ADGRB3: variants seen among roughly 807,000 people sequenced by gnomAD.
The protein encoded by ADGRB3 is adhesion G protein-coupled receptor B3, also known as brain-specific angiogenesis inhibitor 3.
In ADGRB3, 37 loss-of-function variants were observed where a neutral mutation model predicts 193.4. The ratio of observed to expected loss-of-function variants is 0.19; its 90% CI spans 0.15 to 0.25. The LOEUF (loss-of-function observed/expected upper bound fraction) is 0.25, where lower values mean the gene tolerates loss of function less well. Ranked by LOEUF, ADGRB3 falls within the 10% of genes least tolerant of loss-of-function variation. The pLI, the probability that ADGRB3 is intolerant of heterozygous loss-of-function variation, is 1.00. For synonymous variants in ADGRB3, 690 were observed against 644.2 expected (o/e 1.07, Z -1.08); for missense variants, 1,637 against 1,852.9 (o/e 0.88, Z 2.14).
At chr6:69,203,053 AC>A (rs766746944) in intron 17 of ADGRB3, among the ~76,000 whole-genome samples, 1 of 152,146 alleles carries the variant, frequency 6.6e-6, no homozygotes, top group Non-Finnish European at 1.5e-5. Flanking sequence ...TGGTAACATA[AC>A]ATAGTGATCA....
At chr6:68,913,671 C>T (rs528554122) in intron 3 of ADGRB3, among the ~76,000 whole-genome samples, 3 of 152,296 alleles carry the variant, frequency 2.0e-5, no homozygotes, top group East Asian at 1.9e-4. Flanking sequence ...TCCTCACCAG[C>T]AACGGAACAA....
intron 17 of ADGRB3, among the ~76,000 whole-genome samples, chr6:69,204,022 C>T (rs1193067084): frequency 6.6e-6 from 1 of 151,910 alleles, no homozygotes; most frequent in African/African-American, 2.4e-5. Context: ...TTAACAATCC[C>T]AAAGCTGTGC....
chr6:68,766,942 A>G lies in ADGRB3; in HGVS notation c.757+127510A>G, dbSNP rs1025309782. Among the ~76,000 whole-genome samples the G allele has an allele frequency of 2.6e-5, 4 of 152,116 alleles. No individual in the cohort carries two copies. The East Asian group carries it at 7.7e-4, about 29-fold the overall frequency. ...ACTGGTTTTTCATCCATGGTTCTCA[A>G]AAAAAATTGTTATTACACTCTTTTT... On this transcript the variant is annotated intron_variant, in intron 3 of 31. Coordinates refer to ENST00000370598, the MANE Select transcript of ADGRB3 (RefSeq NM_001704.3).
intron 3 of ADGRB3, among the ~76,000 whole-genome samples, chr6:68,785,303 C>T (rs1766942276): frequency 1.8e-5 from 2 of 109,686 alleles, no homozygotes; most frequent in South Asian, 8.0e-4. Flanking sequence ...CTATCCCTCC[C>T]CCCTCCCCCC....
chr6:68,912,347 ATTATT>A lies in ADGRB3; in HGVS notation c.758-18186_758-18182del, dbSNP rs531118417. Reference sequence around the variant, plus strand: ...TAATGTATATTCATCTTCTTTTTTTATTATTTTATTTTATTTTATTTTATTTTATT... The same window carrying A: ...TAATGTATATTCATCTTCTTTTTTTATTATTTTATTTTATTTTATTTTATT... On this transcript the variant is annotated intron_variant, in intron 3 of 31. Transcript: ENST00000370598. 5.0e-3 allele frequency among the ~76,000 whole-genome samples: 749 copies of A among 150,394 alleles called. 4 individuals carry two copies. Among genetic ancestry groups the A allele is most frequent in the African/African-American group, 0.013 (536 of 40,920 alleles).
intron 23 of ADGRB3, chr6:69,332,528 CTCATACTCTAAGAT>C: frequency 3.0e-6 from 3 of 985,368 alleles, no homozygotes; most frequent in Non-Finnish European, 3.6e-6. Flanking sequence ...TCACCCTAAC[CTCATACTCTAAGAT>C]TCAGAATCTC....
At chr6:69,310,337 A>G (rs181004399) in intron 20 of ADGRB3, among the ~76,000 whole-genome samples, 3 of 151,844 alleles carry the variant, frequency 2.0e-5, no homozygotes, top group African/African-American at 7.2e-5. Context: ...AGCTGTCACC[A>G]TTTCTAAACA....
chr6:68,665,962 G>T (rs1028140969), intron 3 of ADGRB3, among the ~76,000 whole-genome samples: 1 of 151,700 alleles, frequency 6.6e-6, no homozygotes, highest in African/African-American at 2.4e-5. Context: ...AACATCAAAT[G>T]ATAAATAAAC....
chr6:69,361,160 T>C lies in ADGRB3; in HGVS notation c.3887T>C (p.Ile1296Thr), dbSNP rs1489688044. Residue 1296 changes from isoleucine (I) to threonine (T), a missense_variant, in exon 29 of 32, where the codon ATA becomes ACA. Ile to Thr is a moderately conservative substitution (Grantham distance 89). Coordinates refer to ENST00000370598, the MANE Select transcript of ADGRB3 (RefSeq NM_001704.3). ...AATTTGAGAGGGGCTGACATGGACATAGTCCATCCTCAAGAAAGAATGATG... is the reference window on the plus strand; with the variant it reads ...AATTTGAGAGGGGCTGACATGGACACAGTCCATCCTCAAGAAAGAATGATG... ...DDNLRGADMD[I>T]VHPQERMMES... The C allele has an allele frequency of 1.9e-6, 3 of 1,612,582 alleles. No homozygotes were observed. Among genetic ancestry groups the C allele is most frequent in the Non-Finnish European group, 2.5e-6 (3 of 1,179,206 alleles).
intron 26 of ADGRB3, among the ~76,000 whole-genome samples, chr6:69,345,645 A>G (rs561363148): frequency 6.6e-6 from 1 of 152,284 alleles, no homozygotes; most frequent in East Asian, 1.9e-4. Flanking sequence ...CACAGCCAAT[A>G]TCATACTGAA....
At chr6:69,309,558 T>A (rs920674544) in intron 20 of ADGRB3, among the ~76,000 whole-genome samples, 2 of 151,704 alleles carry the variant, frequency 1.3e-5, no homozygotes, top group Non-Finnish European at 3.0e-5. Flanking sequence ...CTGAATTGAA[T>A]AAGATAGATA....
rs1011859209 is a variant in ADGRB3 at position 68,796,650 on chromosome 6, C to G, written c.758-133909C>G. 2.0e-5 allele frequency among the ~76,000 whole-genome samples: 3 copies of G among 152,140 alleles called. No individual in the cohort carries two copies. In the South Asian group the frequency reaches 6.2e-4, roughly 32 times the overall value. The stretch of plus-strand genomic sequence containing the variant: ...CTTGGTGACAGTGCTAAAATTATGA[C>G]CCAAGTTCCGAAATCTGTGCAATGC... On this transcript the variant is annotated intron_variant, in intron 3 of 31. Coordinates refer to ENST00000370598, the MANE Select transcript of ADGRB3 (RefSeq NM_001704.3).
intron 3 of ADGRB3, among the ~76,000 whole-genome samples, chr6:68,677,206 A>G (rs1421949981): frequency 4.6e-5 from 7 of 152,224 alleles, no homozygotes; most frequent in African/African-American, 1.4e-4. Context: ...TACTGTGTGT[A>G]TTATGTAAAA....
At chr6:69,339,084 A>G in intron 25 of ADGRB3, 70 bp downstream of exon 25, 1 of 1,505,866 alleles carries the variant, frequency 6.6e-7, no homozygotes, top group Non-Finnish European at 9.2e-7. Flanking sequence ...TGCTATGATG[A>G]AAAAAAATTG....
intron 29 of ADGRB3, among the ~76,000 whole-genome samples, chr6:69,367,729 A>C (rs1440233594): frequency 6.6e-6 from 1 of 151,998 alleles, no homozygotes; most frequent in African/African-American, 2.4e-5. Flanking sequence ...ACAATAGCAA[A>C]GACTTGGAAC....
At chr6:69,073,481 A>G (rs1037561346) in intron 16 of ADGRB3, among the ~76,000 whole-genome samples, 5 of 152,180 alleles carry the variant, frequency 3.3e-5, no homozygotes, top group South Asian at 4.1e-4. Context: ...AGAAAAAAAA[A>G]TGGAATTTAC....
At chr6:68,744,064 G>A (rs1030410491) in intron 3 of ADGRB3, among the ~76,000 whole-genome samples, 10 of 152,034 alleles carry the variant, frequency 6.6e-5, no homozygotes, top group Admixed American at 6.6e-4. Flanking sequence ...TGGGTAAAAG[G>A]TTTGTACATG....
intron 6 of ADGRB3, 121 bp downstream of exon 6, chr6:68,944,115 C>G (rs1294825441): frequency 9.1e-7 from 1 of 1,104,310 alleles, no homozygotes; most frequent in Non-Finnish European, 1.3e-6. Context: ...GTGTCCTTTT[C>G]ATTGTATCTT....
intron 3 of ADGRB3, among the ~76,000 whole-genome samples, chr6:68,928,464 G>A (rs968449288): frequency 1.3e-5 from 2 of 152,132 alleles, no homozygotes; most frequent in African/African-American, 2.4e-5. Flanking sequence ...GAGCCCAGGC[G>A]TTCAAGTTTA....
Sources: gnomAD v4.1 joint callset for allele counts (sites outside exome capture counted in the v4.1 genomes callset) on GRCh38, gnomAD v4.1.1 for gene constraint, MANE v1.5 for transcripts, NCBI Gene and HGNC (gene_info 2026-07-23, HGNC 2026-07-21) for gene names.